The following PPM1L variants were observed in gnomAD, a reference collection of about 807,000 sequenced individuals.
The protein encoded by PPM1L is protein phosphatase 1L.
PPM1L carries 13 observed loss-of-function variants against 31.4 expected under a neutral mutation model. That is an observed-to-expected ratio of 0.41 (90% CI 0.27 to 0.66). The LOEUF (loss-of-function observed/expected upper bound fraction) is 0.66. Among genes scored for constraint, PPM1L ranks in the 30% least tolerant of loss-of-function variants. PPM1L has a pLI of 0.29. For synonymous variants in PPM1L, 184 were observed against 175.4 expected (o/e 1.05, Z -0.39); for missense variants, 326 against 453.7 (o/e 0.72, Z 2.56).
intron 2 of PPM1L, among the ~76,000 whole-genome samples, chr3:161,057,348 A>T (rs1188330352): frequency 6.6e-6 from 1 of 152,062 alleles, no homozygotes; most frequent in East Asian, 1.9e-4. Context: ...TATAAGGTAG[A>T]TGTGATAATT....
chr3:161,075,296 C>G lies in PPM1L; in HGVS notation c.*6139C>G, dbSNP rs1167138338. 1 of 152,038 alleles carries G rather than the reference C, an allele frequency of 6.6e-6. No homozygotes were observed. Among genetic ancestry groups the G allele is most frequent in the Non-Finnish European group, 1.5e-5 (1 of 68,014 alleles). The allele number at this position is 152,038 out of a possible 1,614,324, so 9.4% of individuals were successfully genotyped here. The stretch of plus-strand genomic sequence containing the variant: ...TCAGGGAAAAACCCCTTTAGGATAC[C>G]CAGACATTAAAAATGTAAAAAGTAG... On this transcript the variant is annotated 3_prime_UTR_variant, in exon 4 of 4. Transcript: ENST00000498165.
At chr3:160,834,019 ATTTT>A (rs78707253) in intron 1 of PPM1L, among the ~76,000 whole-genome samples, 19 of 128,728 alleles carry the variant, frequency 1.5e-4, no homozygotes, top group African/African-American at 4.2e-4. Flanking sequence ...TCTCCCAGGA[ATTTT>A]TTTTTTTTTT....
intron 2 of PPM1L, among the ~76,000 whole-genome samples, chr3:160,985,248 C>G (rs530390168): frequency 6.6e-6 from 1 of 152,024 alleles, no homozygotes; most frequent in East Asian, 1.9e-4. Flanking sequence ...TTTGGTGTAC[C>G]CATCACCCCA....
rs954040192 is a variant in PPM1L at position 160,779,916 on chromosome 3, A to AT, written c.399+23219dup. ...TTCTTCATCTGAAAAAATGCGAATGATTTTTTTTTTAGTATGTACCTCATA... is the reference window on the plus strand; with the variant it reads ...TTCTTCATCTGAAAAAATGCGAATGATTTTTTTTTTTAGTATGTACCTCATA... On this transcript the variant is annotated intron_variant, in intron 1 of 3. Coordinates refer to ENST00000498165, the MANE Select transcript of PPM1L (RefSeq NM_139245.4). Among the ~76,000 whole-genome samples the AT allele has an allele frequency of 2.3e-4, 35 of 149,556 alleles. No individual in the cohort carries two copies. In the East Asian group the frequency reaches 3.9e-3, roughly 17 times the overall value.
Position 160,899,040 on chromosome 3 carries a change from C to T in PPM1L, c.400-62696C>T, listed in dbSNP as rs151296268. ...ACGTTCCAGTGTTCATAATAGCTTT[C>T]CTTTGTCTAGCTATGTTCCAGATAC... On this transcript the variant is annotated intron_variant, in intron 1 of 3. Transcript: ENST00000498165. 3.7e-3 allele frequency among the ~76,000 whole-genome samples: 566 copies of T among 152,210 alleles called. 2 individuals carry two copies. The highest frequency in any genetic ancestry group is 0.013 in the African/African-American group (546 of 41,526).
intron 1 of PPM1L, among the ~76,000 whole-genome samples, chr3:160,768,488 A>G (rs115107632): frequency 2.0e-5 from 3 of 152,162 alleles, no homozygotes; most frequent in African/African-American, 7.2e-5. Flanking sequence ...CTCTTCCCCC[A>G]AAATTAAATA....
At chr3:160,915,505 A>T (rs915273409) in intron 1 of PPM1L, among the ~76,000 whole-genome samples, 1 of 152,204 alleles carries the variant, frequency 6.6e-6, no homozygotes, top group African/African-American at 2.4e-5. Context: ...TATAGATTCA[A>T]TGCCATCCCC....
intron 1 of PPM1L, among the ~76,000 whole-genome samples, chr3:160,914,976 G>A (rs1289142823): frequency 4.6e-5 from 7 of 152,144 alleles, no homozygotes; most frequent in South Asian, 4.2e-4. Context: ...TTTAATGATC[G>A]CCATTCTAAC....
chr3:160,802,429 G>A (rs1458202511), intron 1 of PPM1L, among the ~76,000 whole-genome samples: 2 of 152,150 alleles, frequency 1.3e-5, no homozygotes, highest in Admixed American at 6.5e-5. Flanking sequence ...CCATGCAAGT[G>A]AGCAATTTAC....
chr3:161,002,565 G>T (rs1172179065), intron 2 of PPM1L, among the ~76,000 whole-genome samples: 2 of 150,246 alleles, frequency 1.3e-5, no homozygotes, highest in Non-Finnish European at 2.9e-5. Context: ...CTGTGGTTTT[G>T]ATTTGCATTT....
At chr3:160,926,775 G>A (rs924858806) in intron 1 of PPM1L, among the ~76,000 whole-genome samples, 1 of 152,304 alleles carries the variant, frequency 6.6e-6, no homozygotes. Flanking sequence ...CCACAGGACT[G>A]CATTCTGACC....
At position 161,003,806 on chromosome 3, in the gene PPM1L, C is replaced by G. The variant is rs77664595; in HGVS notation, c.574+41896C>G. Among the ~76,000 whole-genome samples the G allele has an allele frequency of 2.6e-5, 4 of 151,672 alleles. No individual in the cohort carries two copies. The East Asian group carries it at 7.7e-4, about 29-fold the overall frequency. On this transcript the variant is annotated intron_variant, in intron 2 of 3. Transcript: ENST00000498165. ...GCAAACAGGGACAATTTGACTTCCT[C>G]TTTTCCTAATTGATTACCCTTTATT...
rs73019342 is a variant in PPM1L at position 160,945,654 on chromosome 3, C to G, written c.400-16082C>G. 2.9e-3 allele frequency among the ~76,000 whole-genome samples: 440 copies of G among 152,200 alleles called. 2 individuals carry two copies. Among genetic ancestry groups the G allele is most frequent in the African/African-American group, 0.01 (423 of 41,520 alleles). On this transcript the variant is annotated intron_variant, in intron 1 of 3. Coordinates refer to ENST00000498165, the MANE Select transcript of PPM1L (RefSeq NM_139245.4). ...AAACTCAGAGTTACTTTTTAATCAT[C>G]TGTAACAAATATAGTTGACCCTTGA... is the stretch of plus-strand genomic sequence containing the variant.
At chr3:161,060,312 A>C (rs1295360655) in intron 2 of PPM1L, among the ~76,000 whole-genome samples, 2 of 152,152 alleles carry the variant, frequency 1.3e-5, no homozygotes, top group African/African-American at 4.8e-5. Flanking sequence ...GATGACAAAA[A>C]GGTTGGCATG....
chr3:160,957,831 C>T (rs1414096782), intron 1 of PPM1L, among the ~76,000 whole-genome samples: 1 of 152,156 alleles, frequency 6.6e-6, no homozygotes, highest in Non-Finnish European at 1.5e-5. Flanking sequence ...CCGCCTCAGC[C>T]TCCTAAAGTG....
Position 161,058,806 on chromosome 3 carries a change from A to T in PPM1L, c.575-6597A>T, listed in dbSNP as rs188879163. Among the ~76,000 whole-genome samples, 147 of 152,286 alleles carry T rather than the reference A, an allele frequency of 9.7e-4. 1 individual carries two copies. The highest frequency in any genetic ancestry group is 2.2e-4 in the Non-Finnish European group (15 of 68,020). The stretch of plus-strand genomic sequence containing the variant: ...CAACTTTGTTATGAATTTAACTGAG[A>T]AAGTTTTAAAAGTATTTATAACTAG... On this transcript the variant is annotated intron_variant, in intron 2 of 3. Transcript: ENST00000498165.
In PPM1L at chr3:160,822,704, T is replaced by C. The variant is rs527451657; in HGVS notation, c.399+65997T>C. Among the ~76,000 whole-genome samples the C allele has an allele frequency of 6.7e-4, 102 of 152,218 alleles. 1 individual carries two copies. Among genetic ancestry groups the C allele is most frequent in the Middle Eastern group, 3.4e-3 (1 of 294 alleles). ...ATGGTCAATAGAAATGGTGAAAATA[T>C]ATTAGTAGCAATGACAACTAGCATG... On this transcript the variant is annotated intron_variant, in intron 1 of 3. Transcript: ENST00000498165.
intron 2 of PPM1L, among the ~76,000 whole-genome samples, chr3:161,010,593 T>C (rs543741797): frequency 0.018 from 2,804 of 152,240 alleles, 78 homozygotes; most frequent in African/African-American, 0.063. Context: ...CTTGAGGAAT[T>C]GCCACACTGT....
chr3:161,016,025 A>G (rs1382483364), intron 2 of PPM1L, among the ~76,000 whole-genome samples: 1 of 152,134 alleles, frequency 6.6e-6, no homozygotes, highest in Non-Finnish European at 1.5e-5. Flanking sequence ...CCTGCTGTCA[A>G]CTTCATGGGT....
Sources: gnomAD v4.1 joint callset for allele counts (sites outside exome capture counted in the v4.1 genomes callset) on GRCh38, gnomAD v4.1.1 for gene constraint, MANE v1.5 for transcripts, NCBI Gene and HGNC (gene_info 2026-07-23, HGNC 2026-07-21) for gene names.